The following PRKG1 variants were observed in gnomAD, a reference collection of about 807,000 sequenced individuals.
PRKG1 encodes cGMP-dependent protein kinase 1.
In PRKG1, 35 loss-of-function variants were observed where a neutral mutation model predicts 88.1. The ratio of observed to expected loss-of-function variants is 0.40; its 90% CI spans 0.30 to 0.53. PRKG1 has a LOEUF of 0.53. Ranked by LOEUF, PRKG1 falls within the 20% of genes least tolerant of loss-of-function variation. The pLI is 0.59. For synonymous variants in PRKG1, 303 were observed against 292.5 expected, an observed-to-expected ratio of 1.04 and a Z score of -0.37; for missense variants, 540 against 839.8, an observed-to-expected ratio of 0.64 and a Z score of 4.41.
At chr10:51,768,644 A>G (rs1838229032) in intron 3 of PRKG1, among the ~76,000 whole-genome samples, 1 of 152,144 alleles carries the variant, frequency 6.6e-6, no homozygotes, top group Admixed American at 6.6e-5. Context: ...TTTTACCCCC[A>G]TATGTTTTAC....
At chr10:52,114,127 G>T (rs1363063768) in intron 7 of PRKG1, among the ~76,000 whole-genome samples, 1 of 152,014 alleles carries the variant, frequency 6.6e-6, no homozygotes, top group Admixed American at 6.6e-5. Flanking sequence ...CTATGTTATT[G>T]CTCAGTTTAG....
At chr10:52,167,725 T>C (rs12218222) in intron 9 of PRKG1, among the ~76,000 whole-genome samples, 67,474 of 151,902 alleles carry the variant, frequency 0.44, 17,938 homozygotes, top group Admixed American at 0.61. Context: ...TCATAGAAAA[T>C]GAGTACAGTG....
intron 2 of PRKG1, among the ~76,000 whole-genome samples, chr10:51,242,205 G>A (rs11813092): frequency 0.012 from 1,799 of 152,172 alleles, 31 homozygotes; most frequent in African/African-American, 0.039. Flanking sequence ...ATAACCAAGC[G>A]CAAGTGTCAG....
intron 9 of PRKG1, among the ~76,000 whole-genome samples, chr10:52,223,630 C>T (rs1840308595): frequency 6.6e-6 from 1 of 152,128 alleles, no homozygotes; most frequent in African/African-American, 2.4e-5. Flanking sequence ...TTTACGTTTC[C>T]AGCCTGGATT....
intron 3 of PRKG1, among the ~76,000 whole-genome samples, chr10:51,543,841 A>G (rs1464267903): frequency 6.6e-6 from 1 of 152,196 alleles, no homozygotes; most frequent in African/African-American, 2.4e-5. Flanking sequence ...AGCTGACAGA[A>G]TAAGGAAGCT....
Position 51,947,475 on chromosome 10 carries a change from T to C in PRKG1, c.762+39905T>C, listed in dbSNP as rs929743738. Among the ~76,000 whole-genome samples, 446 of 152,228 alleles carry C rather than the reference T, an allele frequency of 2.9e-3. 2 individuals are homozygous for C. The highest frequency in any genetic ancestry group is 0.01 in the African/African-American group (419 of 41,544). ...CGCATGGTGCGCTGCACCCACTGTC[T>C]TCCGCCCACTGTCTGGCACTCCCTA... On this transcript the variant is annotated intron_variant, in intron 5 of 17. Coordinates refer to ENST00000373980, the MANE Select transcript of PRKG1 (RefSeq NM_006258.4).
At chr10:51,971,547 C>T (rs1296136930) in intron 5 of PRKG1, among the ~76,000 whole-genome samples, 1 of 151,890 alleles carries the variant, frequency 6.6e-6, no homozygotes, top group Non-Finnish European at 1.5e-5. Flanking sequence ...TTGAGCACTC[C>T]AATATAAAAG....
rs1842845399 is a variant in PRKG1 at position 51,938,660 on chromosome 10, C to T, written c.762+31090C>T. On this transcript the variant is annotated intron_variant, in intron 5 of 17. Coordinates refer to ENST00000373980, the MANE Select transcript of PRKG1 (RefSeq NM_006258.4). ...CCTCTTCCCACTGAGAAGACACCTG[C>T]ACATGTGATGTCCTCCAAGGATTGT... Among the ~76,000 whole-genome samples, 3 of 152,038 alleles carry T rather than the reference C, an allele frequency of 2.0e-5. No homozygotes were observed. In the East Asian group the frequency reaches 5.8e-4, roughly 29 times the overall value.
At chr10:52,239,060 C>T (rs1589725190) in intron 9 of PRKG1, among the ~76,000 whole-genome samples, 1 of 111,724 alleles carries the variant, frequency 9.0e-6, no homozygotes, top group Non-Finnish European at 1.8e-5. Flanking sequence ...TCTCAGTAAA[C>T]TATCGCAAGA....
At chr10:51,204,386 G>GTGTGTGTGTT (rs1837992668) in intron 2 of PRKG1, among the ~76,000 whole-genome samples, 1 of 151,872 alleles carries the variant, frequency 6.6e-6, no homozygotes, top group Non-Finnish European at 1.5e-5. Flanking sequence ...GTGTGTGTGT[G>GTGTGTGTGTT]TGTGTGTGTG....
At chr10:51,276,110 C>T (rs1037298790) in intron 2 of PRKG1, among the ~76,000 whole-genome samples, 1 of 151,988 alleles carries the variant, frequency 6.6e-6, no homozygotes, top group Non-Finnish European at 1.5e-5. Context: ...GCTATCCCTC[C>T]CCTCTCCCCC....
intron 3 of PRKG1, among the ~76,000 whole-genome samples, chr10:51,526,331 G>A (rs1455284363): frequency 6.6e-6 from 1 of 152,064 alleles, no homozygotes; most frequent in East Asian, 1.9e-4. Flanking sequence ...TAAAAATTTG[G>A]TTAGTAGAAA....
chr10:51,508,631 T>A (rs1475259845), intron 3 of PRKG1, among the ~76,000 whole-genome samples: 2 of 152,148 alleles, frequency 1.3e-5, no homozygotes, highest in Non-Finnish European at 2.9e-5. Context: ...CAGACATAAA[T>A]TTTTCTCATA....
At chr10:51,298,269 A>G (rs527698689) in intron 2 of PRKG1, among the ~76,000 whole-genome samples, 1 of 152,208 alleles carries the variant, frequency 6.6e-6, no homozygotes, top group Non-Finnish European at 1.5e-5. Flanking sequence ...CATTGCCACT[A>G]CTTCAAAAAA....
intron 3 of PRKG1, among the ~76,000 whole-genome samples, chr10:51,568,985 T>C (rs1463652669): frequency 6.6e-6 from 1 of 152,010 alleles, no homozygotes; most frequent in Non-Finnish European, 1.5e-5. Flanking sequence ...TTCAGGTGCA[T>C]ATCTGTAGTC....
chr10:52,089,774 T>TCTAGG (rs1316635109), intron 7 of PRKG1, among the ~76,000 whole-genome samples: 1 of 149,940 alleles, frequency 6.7e-6, no homozygotes, highest in African/African-American at 2.4e-5. Context: ...AACCAACACA[T>TCTAGG]CTAGGGCTTA....
At chr10:52,289,108 G>T in intron 16 of PRKG1, 115 bp downstream of exon 16, 3 of 992,424 alleles carry the variant, frequency 3.0e-6, no homozygotes, top group Non-Finnish European at 4.5e-6. Context: ...TCCAAAGACA[G>T]CGTATAAACT....
At chr10:51,779,782 C>T (rs188891265) in intron 3 of PRKG1, among the ~76,000 whole-genome samples, 6 of 152,042 alleles carry the variant, frequency 3.9e-5, no homozygotes, top group African/African-American at 9.7e-5. Flanking sequence ...TTTTAAGGAG[C>T]GACTGGTGAC....
In PRKG1 at chr10:51,268,587, T is replaced by A. The variant is rs540360911; in HGVS notation, c.478+115257T>A. On this transcript the variant is annotated intron_variant, in intron 2 of 17. Coordinates refer to ENST00000373980, the MANE Select transcript of PRKG1 (RefSeq NM_006258.4). ...GGCTCAGCAGTCAGAGTTTATAAGG[T>A]TATCTCTCTTGTTCCCTGTACATTG... Among the ~76,000 whole-genome samples the A allele has an allele frequency of 5.9e-5, 9 of 152,270 alleles. 2 individuals are homozygous for A. The East Asian group carries it at 1.7e-3, about 29-fold the overall frequency.
Sources: allele counts gnomAD v4.1 joint callset (sites outside exome capture counted in the v4.1 genomes callset), GRCh38; gene constraint gnomAD v4.1.1; transcripts MANE v1.5; gene names NCBI Gene and HGNC (gene_info 2026-07-23, HGNC 2026-07-21).